The following ST3GAL3 variants were observed in gnomAD, a reference collection of about 807,000 sequenced individuals.
The protein encoded by ST3GAL3 is CMP-N-acetylneuraminate-beta-1,4-galactoside alpha-2,3-sialyltransferase.
In ST3GAL3, 21 loss-of-function variants were observed where a neutral mutation model predicts 50.1. The observed-to-expected ratio is 0.42, with a 90% CI of 0.30 to 0.60. The LOEUF is 0.60. ST3GAL3 is among the 20% of genes least tolerant of loss of function. The pLI, the probability that ST3GAL3 is intolerant of heterozygous loss-of-function variation, is 0.19. For synonymous variants in ST3GAL3, 183 were observed against 190.0 expected, an observed-to-expected ratio of 0.96 and a Z score of 0.30; for missense variants, 353 against 489.4, an observed-to-expected ratio of 0.72 and a Z score of 2.63.
At chr1:43,850,876 T>G (rs901694814) in intron 5 of ST3GAL3, 2 of 1,254,210 alleles carry the variant, frequency 1.6e-6, no homozygotes, top group Non-Finnish European at 2.3e-6. Flanking sequence ...GCAGAGTTGA[T>G]GAGAGACTCC....
intron 5 of ST3GAL3, among the ~76,000 whole-genome samples, chr1:43,862,341 T>C (rs1194824134): frequency 1.3e-5 from 2 of 152,230 alleles, no homozygotes; most frequent in Non-Finnish European, 2.9e-5. Context: ...GTTCTGTGTA[T>C]ACCACATTAT....
In ST3GAL3 at chr1:43,853,508, C is replaced by T. The variant is rs74073319; in HGVS notation, c.302+15197C>T. ...ATAAAACTAGGTTTTGAACCCAAGT[C>T]CACATATTTAACAACCGCCTTCTAC... On this transcript the variant is annotated intron_variant, in intron 5 of 11. Coordinates refer to ENST00000347631, the MANE Select transcript of ST3GAL3 (RefSeq NM_006279.5). 2.7e-3 allele frequency among the ~76,000 whole-genome samples: 408 copies of T among 152,320 alleles called. 1 individual carries two copies. The highest frequency in any genetic ancestry group is 9.5e-3 in the African/African-American group (393 of 41,568).
intron 5 of ST3GAL3, chr1:43,878,882 A>C (rs1357723262): frequency 2.9e-6 from 1 of 348,114 alleles, no homozygotes; most frequent in Non-Finnish European, 5.7e-6. Flanking sequence ...GCACAATTCT[A>C]AGTACTGGGG....
chr1:43,734,511 T>C (rs1677489985), intron 1 of ST3GAL3, among the ~76,000 whole-genome samples: 1 of 152,032 alleles, frequency 6.6e-6, no homozygotes, highest in Admixed American at 6.6e-5. Context: ...GATCTCATCA[T>C]GTTGCCTAGG....
At chr1:43,880,571 CTCAGTTCT>C (rs1472578406) in intron 5 of ST3GAL3, among the ~76,000 whole-genome samples, 2 of 152,066 alleles carry the variant, frequency 1.3e-5, no homozygotes, top group African/African-American at 4.8e-5. Flanking sequence ...ATACAAACAT[CTCAGTTCT>C]TCACCATCCC....
At chr1:43,854,227 A>C (rs1161245836) in intron 5 of ST3GAL3, among the ~76,000 whole-genome samples, 1 of 152,172 alleles carries the variant, frequency 6.6e-6, no homozygotes, top group African/African-American at 2.4e-5. Flanking sequence ...GACTTGCTAC[A>C]GTTACCTTCT....
Position 43,817,360 on chromosome 1 carries a change from T to TTCCTTCTTC in ST3GAL3, c.209+2447_209+2455dup, listed in dbSNP as rs1306021116. Among the ~76,000 whole-genome samples the TTCCTTCTTC allele has an allele frequency of 6.6e-5, 9 of 136,984 alleles. 2 individuals are homozygous for TTCCTTCTTC. Among genetic ancestry groups the TTCCTTCTTC allele is most frequent in the African/African-American group, 2.4e-4 (9 of 37,138 alleles). The allele number at this position is 136,984 out of a possible 152,430, so 89.9% of individuals were successfully genotyped here. A position where few individuals can be genotyped will look rare whatever the true frequency, so the allele number is the denominator to read the frequency against. On this transcript the variant is annotated intron_variant, in intron 4 of 11. Coordinates refer to ENST00000347631, the MANE Select transcript of ST3GAL3 (RefSeq NM_006279.5). ...TCTTCCTTCTTCCTTCTTCTTCTTC[T>TTCCTTCTTC]TCCTTCTTCTCCTTCTTCTCCTTCT...
intron 1 of ST3GAL3, chr1:43,727,428 T>C (rs1483037585): frequency 6.6e-6 from 1 of 152,148 alleles, no homozygotes; most frequent in African/African-American, 2.4e-5. Flanking sequence ...AATGGGGGCA[T>C]TTCTCAAGTG....
At chr1:43,715,333 G>A (rs1160311347) in intron 1 of ST3GAL3, among the ~76,000 whole-genome samples, 1 of 152,136 alleles carries the variant, frequency 6.6e-6, no homozygotes, top group Non-Finnish European at 1.5e-5. Context: ...CAGCACTTTG[G>A]GAGGCTGAAG....
intron 1 of ST3GAL3, chr1:43,727,251 C>T (rs557242351): frequency 1.3e-5 from 2 of 152,064 alleles, no homozygotes; most frequent in African/African-American, 2.4e-5. Context: ...TTCTCTGCCC[C>T]AGCCTTGGAG....
At position 43,899,688 on chromosome 1, in the gene ST3GAL3, C is replaced by CT. The variant is rs2077962342; in HGVS notation, c.708dup (p.Lys237Ter). 1 of 1,614,010 alleles carries CT rather than the reference C, an allele frequency of 6.2e-7. No homozygotes were observed. The highest frequency in any genetic ancestry group is 8.5e-7 in the Non-Finnish European group (1 of 1,180,054). On this transcript the variant is annotated frameshift_variant, in exon 9 of 12. Coordinates refer to ENST00000347631, the MANE Select transcript of ST3GAL3 (RefSeq NM_006279.5). LOFTEE classifies it high-confidence loss of function. The surrounding 1 kb of genome is among the most constrained non-coding windows in gnomAD (Gnocchi z 5.4). ...TCCTCGCCGGCTTCAAGTGGCAGGA[C>CT]TTTAAGTGGTTGAAATACATCGTCT...
At chr1:43,863,823 T>A (rs1240302612) in intron 5 of ST3GAL3, among the ~76,000 whole-genome samples, 4 of 152,168 alleles carry the variant, frequency 2.6e-5, no homozygotes, top group African/African-American at 9.7e-5. Context: ...AGAGCATGCT[T>A]GCATCAGTAC....
At chr1:43,910,904 A>G (rs1423291213) in intron 9 of ST3GAL3, among the ~76,000 whole-genome samples, 3 of 152,194 alleles carry the variant, frequency 2.0e-5, no homozygotes, top group Non-Finnish European at 4.4e-5. Flanking sequence ...GAAGAGGAAT[A>G]TGCAGAGCCA....
In ST3GAL3 at chr1:43,813,465, G is replaced by A. The variant is rs1026833386; in HGVS notation, c.167-1426G>A. On this transcript the variant is annotated intron_variant, in intron 3 of 11. Coordinates refer to ENST00000347631, the MANE Select transcript of ST3GAL3 (RefSeq NM_006279.5). ...GTTAAGGCAAGTCTTTCATCCATTC[G>A]CCTGCGTTAGAGCAAAACCAGAATT... is the stretch of plus-strand genomic sequence containing the variant. Among the ~76,000 whole-genome samples the A allele has an allele frequency of 3.3e-5, 5 of 151,876 alleles. No homozygotes were observed. In the East Asian group the frequency reaches 7.7e-4, roughly 23 times the overall value.
Position 43,854,413 on chromosome 1 carries a change from ACTCT to A in ST3GAL3, c.302+16107_302+16110del, listed in dbSNP as rs1434422017. Among the ~76,000 whole-genome samples the A allele has an allele frequency of 2.7e-5, 4 of 149,604 alleles. No individual in the cohort carries two copies. The East Asian group carries it at 7.9e-4, about 30-fold the overall frequency. On this transcript the variant is annotated intron_variant, in intron 5 of 11. Coordinates refer to ENST00000347631, the MANE Select transcript of ST3GAL3 (RefSeq NM_006279.5). ...TATTGATCTCTTCCTCCATTTTGAA[ACTCT>A]CTCTTCTCCTTAATTATTTGTTCAA...
chr1:43,889,061 A>G (rs2076346586), intron 5 of ST3GAL3, among the ~76,000 whole-genome samples: 1 of 152,236 alleles, frequency 6.6e-6, no homozygotes, highest in Non-Finnish European at 1.5e-5. Flanking sequence ...AATAAGGTAC[A>G]TAATCAATCA....
chr1:43,720,072 A>G (rs895629171), intron 1 of ST3GAL3, among the ~76,000 whole-genome samples: 1 of 151,926 alleles, frequency 6.6e-6, no homozygotes, highest in Non-Finnish European at 1.5e-5. Flanking sequence ...GTGAGACCCC[A>G]TCTTTACAAA....
rs12410004 is a variant in ST3GAL3 at position 43,917,671 on chromosome 1, A to T, written c.745-2733A>T. On this transcript the variant is annotated intron_variant, in intron 9 of 11. Transcript: ENST00000347631. ...TATAATATAATATATAATATATATT[A>T]TATATATATATATTTTAAACAGAGT... Among the ~76,000 whole-genome samples the T allele has an allele frequency of 1.3e-3, 29 of 22,320 alleles. No individual in the cohort carries two copies. The South Asian group carries it at 0.015, about 12-fold the overall frequency. The allele number at this position is 22,320 out of a possible 152,430, so 14.6% of individuals were successfully genotyped here. A position where few individuals can be genotyped will look rare whatever the true frequency, so the allele number is the denominator to read the frequency against.
intron 5 of ST3GAL3, among the ~76,000 whole-genome samples, chr1:43,869,158 C>T (rs1322058761): frequency 1.3e-5 from 2 of 152,188 alleles, no homozygotes; most frequent in African/African-American, 4.8e-5. Flanking sequence ...CTTCCAATAG[C>T]TGGAAGTCCT....
Sources: gnomAD v4.1 joint callset for allele counts (sites outside exome capture counted in the v4.1 genomes callset) on GRCh38, gnomAD v4.1.1 for gene constraint, Gnocchi (gnomAD v3.1) non-coding constraint, MANE v1.5 for transcripts, NCBI Gene and HGNC (gene_info 2026-07-23, HGNC 2026-07-21) for gene names.